GABRG1: variants seen among roughly 807,000 people sequenced by gnomAD.
GABRG1 encodes gamma-aminobutyric acid type A receptor subunit gamma1, also known as gamma-aminobutyric acid receptor subunit gamma-1.
GABRG1 carries 49 observed loss-of-function variants against 49.8 expected under a neutral mutation model. The observed-to-expected ratio is 0.98, with a 90% CI of 0.78 to 1.25. GABRG1 has a LOEUF of 1.25. Among genes scored for constraint, GABRG1 ranks in the 50% most tolerant of loss-of-function variants. The pLI, the probability that GABRG1 is intolerant of heterozygous loss-of-function variation, is 0.00. For synonymous variants in GABRG1, 232 were observed against 185.1 expected, an observed-to-expected ratio of 1.25 and a Z score of -2.06; for missense variants, 552 against 552.3, an observed-to-expected ratio of 1.00 and a Z score of 0.01.
chr4:46,082,177 T>G (rs1256414148), intron 3 of GABRG1, among the ~76,000 whole-genome samples: 1 of 151,864 alleles, frequency 6.6e-6, no homozygotes, highest in South Asian at 2.1e-4. Flanking sequence ...GTTGCTCATA[T>G]TGGCATTGTT....
chr4:46,101,680 G>A (rs1323348664), intron 1 of GABRG1, among the ~76,000 whole-genome samples: 2 of 151,560 alleles, frequency 1.3e-5, no homozygotes, highest in Non-Finnish European at 3.0e-5. Flanking sequence ...ACACAGAAAA[G>A]CATCAGACAT....
At chr4:46,073,431 G>T (rs1719213993) in intron 3 of GABRG1, among the ~76,000 whole-genome samples, 1 of 151,968 alleles carries the variant, frequency 6.6e-6, no homozygotes, top group African/African-American at 2.4e-5. Flanking sequence ...TTAAACCAGA[G>T]AAATGAAATT....
At chr4:46,112,516 C>T (rs1405953206) in intron 1 of GABRG1, among the ~76,000 whole-genome samples, 1 of 151,120 alleles carries the variant, frequency 6.6e-6, no homozygotes, top group African/African-American at 2.4e-5. Context: ...ATAATTCTAC[C>T]AAAAAGACAC....
At chr4:46,072,630 C>T (rs528063101) in intron 3 of GABRG1, among the ~76,000 whole-genome samples, 1 of 151,942 alleles carries the variant, frequency 6.6e-6, no homozygotes, top group African/African-American at 2.4e-5. Context: ...ATTAAAAATC[C>T]ATTACCTATA....
chr4:46,052,674 A>G (rs146146815), intron 7 of GABRG1, among the ~76,000 whole-genome samples: 2,569 of 152,048 alleles, frequency 0.017, 39 homozygotes, highest in Middle Eastern at 0.037. Flanking sequence ...TCGTTTTCCC[A>G]GTAAATATGG....
intron 3 of GABRG1, among the ~76,000 whole-genome samples, chr4:46,077,992 A>AT (rs970827502): frequency 6.6e-6 from 1 of 151,634 alleles, no homozygotes; most frequent in Non-Finnish European, 1.5e-5. Context: ...CTAATATTTA[A>AT]TTTTTTCTCT....
At chr4:46,114,197 C>T (rs568340566) in intron 1 of GABRG1, among the ~76,000 whole-genome samples, 83 of 151,140 alleles carry the variant, frequency 5.5e-4, no homozygotes, top group African/African-American at 1.9e-3. Context: ...TAAATAACAG[C>T]ATTATAGATT....
At chr4:46,094,708 A>G (rs1247843712) in intron 2 of GABRG1, among the ~76,000 whole-genome samples, 1 of 151,950 alleles carries the variant, frequency 6.6e-6, no homozygotes, top group African/African-American at 2.4e-5. Flanking sequence ...AATTGGAAGT[A>G]ACAGAATTTC....
chr4:46,101,307 T>C (rs1720370396), intron 1 of GABRG1, among the ~76,000 whole-genome samples: 1 of 151,628 alleles, frequency 6.6e-6, no homozygotes, highest in Admixed American at 6.6e-5. Context: ...AAAGTTTTCC[T>C]GGCACAACAT....
At chr4:46,106,372 A>G (rs886421586) in intron 1 of GABRG1, among the ~76,000 whole-genome samples, 29 of 151,532 alleles carry the variant, frequency 1.9e-4, no homozygotes, top group African/African-American at 5.5e-4. Context: ...TCATTTATGT[A>G]TTTACATTGG....
intron 1 of GABRG1, among the ~76,000 whole-genome samples, chr4:46,102,360 C>A (rs1369677113): frequency 6.6e-6 from 1 of 151,596 alleles, no homozygotes; most frequent in Non-Finnish European, 1.5e-5. Flanking sequence ...AGACTAGGAG[C>A]CCCTCTGAAG....
intron 5 of GABRG1, among the ~76,000 whole-genome samples, chr4:46,061,798 A>G (rs1312336010): frequency 1.4e-5 from 2 of 147,126 alleles, no homozygotes; most frequent in South Asian, 2.1e-4. Context: ...TAGAAATAGC[A>G]TAAGTTACCA....
rs1424928079 is a variant in GABRG1, at chr4:46,037,352, G to A, written c.*3636C>T. 2.0e-5 allele frequency: 3 copies of A among 151,798 alleles called. No homozygotes were observed. The highest frequency in any genetic ancestry group is 4.4e-5 in the Non-Finnish European group (3 of 67,848). The allele number at this position is 151,798 out of a possible 1,614,324, so 9.4% of individuals were successfully genotyped here. A position where few individuals can be genotyped will look rare whatever the true frequency, so the allele number is the denominator to read the frequency against. Reference sequence around the variant, plus strand: ...TTTGGAAAGTCCTTGATAAAGTTTGGTAATGGTTTTTGTAACTGTATAGAA... The same window carrying A: ...TTTGGAAAGTCCTTGATAAAGTTTGATAATGGTTTTTGTAACTGTATAGAA... On this transcript the variant is annotated 3_prime_UTR_variant, in exon 9 of 9. Transcript: ENST00000295452.
intron 1 of GABRG1, among the ~76,000 whole-genome samples, chr4:46,117,578 C>CTCTCTGTCTCTCTCTTTCTG (rs1553884374): frequency 2.9e-4 from 42 of 143,438 alleles, no homozygotes; most frequent in African/African-American, 1.1e-3. Context: ...CTCTCTCTCT[C>CTCTCTGTCTCTCTCTTTCTG]TCTGTCTCTC....
chr4:46,037,995 A>G lies in GABRG1; in HGVS notation c.*2993T>C, dbSNP rs1312270828. On this transcript the variant is annotated 3_prime_UTR_variant, in exon 9 of 9. Transcript: ENST00000295452. ...CCAGAATATGGAAACACAAGTGAAA[A>G]AATCCTTATGATTGCCTTCATATTT... 1 of 151,738 alleles carries G rather than the reference A, an allele frequency of 6.6e-6. No individual in the cohort carries two copies. The highest frequency in any genetic ancestry group is 1.5e-5 in the Non-Finnish European group (1 of 67,734). The allele number at this position is 151,738 out of a possible 1,614,324, so 9.4% of individuals were successfully genotyped here.
chr4:46,052,529 C>T (rs1718269398), intron 7 of GABRG1, among the ~76,000 whole-genome samples: 1 of 151,820 alleles, frequency 6.6e-6, no homozygotes, highest in Non-Finnish European at 1.5e-5. Context: ...GGGTCCCAAT[C>T]CTGTATGTGT....
chr4:46,051,094 T>C (rs1171765242), intron 8 of GABRG1, among the ~76,000 whole-genome samples: 1 of 151,864 alleles, frequency 6.6e-6, no homozygotes, highest in Admixed American at 6.6e-5. Context: ...AAAAGTAAGG[T>C]AATTTTGTTA....
intron 3 of GABRG1, among the ~76,000 whole-genome samples, chr4:46,076,359 GTTCATATATATATATA>G (rs1343781461): frequency 1.4e-5 from 1 of 70,538 alleles, no homozygotes; most frequent in African/African-American, 5.7e-5. Context: ...CTTAGGTCAT[GTTCATATATATATATA>G]TATATATATA....
chr4:46,070,398 G>A (rs1577646183), intron 3 of GABRG1, among the ~76,000 whole-genome samples: 2 of 151,958 alleles, frequency 1.3e-5, no homozygotes, highest in East Asian at 3.9e-4. Flanking sequence ...AATAGACCAT[G>A]AAGTAATGCA....
Sources: gnomAD v4.1 joint callset for allele counts (sites outside exome capture counted in the v4.1 genomes callset) on GRCh38, gnomAD v4.1.1 for gene constraint, MANE v1.5 for transcripts, NCBI Gene and HGNC (gene_info 2026-07-23, HGNC 2026-07-21) for gene names.